The following SLC25A12 variants were observed in gnomAD, a reference collection of about 807,000 sequenced individuals.
The protein encoded by SLC25A12 is solute carrier family 25 member 12, also known as electrogenic aspartate/glutamate antiporter SLC25A12, mitochondrial.
A neutral mutation model predicts 83.3 loss-of-function variants in SLC25A12; 32 were observed. That is an observed-to-expected ratio of 0.38 (90% confidence interval 0.29 to 0.52). SLC25A12 has a LOEUF of 0.52. Among genes scored for constraint, SLC25A12 ranks in the 20% least tolerant of loss-of-function variants. The pLI is 0.84. For missense variants in SLC25A12, 611 were observed against 835.6 expected (o/e 0.73, Z 3.31); for synonymous variants, 267 against 291.1 (o/e 0.92, Z 0.84).
At chr2:171,818,725 T>C (rs1684108855) in intron 9 of SLC25A12, among the ~76,000 whole-genome samples, 1 of 151,982 alleles carries the variant, frequency 6.6e-6, no homozygotes, top group African/African-American at 2.4e-5. Flanking sequence ...TGAGCAGTGA[T>C]GATGCATTAG....
chr2:171,849,878 T>G (rs1382323750), intron 4 of SLC25A12, among the ~76,000 whole-genome samples: 1 of 151,846 alleles, frequency 6.6e-6, no homozygotes. Context: ...CTTGGCTCAC[T>G]GCAACCTCTG....
chr2:171,793,779 G>C lies in SLC25A12; in HGVS notation c.1306-12C>G, dbSNP rs1400759688. 5 of 1,613,978 alleles carry C rather than the reference G, an allele frequency of 3.1e-6. No homozygotes were observed. Among genetic ancestry groups the C allele is most frequent in the Non-Finnish European group, 4.2e-6 (5 of 1,179,982 alleles). ...TGAGAGCCTCCAGCCTGTAGGCAAG[G>C]GAGAAGAGACAGGCAGATTCCACAT... On this transcript the variant is annotated splice_polypyrimidine_tract_variant and intron_variant, in intron 13 of 17. Coordinates refer to ENST00000422440, the MANE Select transcript of SLC25A12 (RefSeq NM_003705.5).
chr2:171,825,125 T>C (rs1684274770), intron 9 of SLC25A12, among the ~76,000 whole-genome samples: 2 of 152,164 alleles, frequency 1.3e-5, no homozygotes, highest in African/African-American at 4.8e-5. Flanking sequence ...TAAACTTTGA[T>C]GGCAGCAGAT....
chr2:171,876,549 G>GT (rs1558941966), intron 2 of SLC25A12, among the ~76,000 whole-genome samples: 3 of 143,298 alleles, frequency 2.1e-5, no homozygotes, highest in African/African-American at 7.6e-5. Flanking sequence ...TTTTTGGGGG[G>GT]GGGGGGACTC....
chr2:171,839,158 A>G (rs1031532476), intron 5 of SLC25A12, among the ~76,000 whole-genome samples: 1 of 152,170 alleles, frequency 6.6e-6, no homozygotes, highest in African/African-American at 2.4e-5. Flanking sequence ...TCAGGCAGAC[A>G]TTTCCTTTTT....
At chr2:171,870,821 G>C (rs981687417) in intron 2 of SLC25A12, among the ~76,000 whole-genome samples, 2 of 152,214 alleles carry the variant, frequency 1.3e-5, no homozygotes, top group African/African-American at 2.4e-5. Flanking sequence ...AGAAGAATCA[G>C]GGCAAATGAT....
chr2:171,848,619 AGAAAACAAAG>A (rs955285932), intron 4 of SLC25A12, among the ~76,000 whole-genome samples: 64 of 152,228 alleles, frequency 4.2e-4, no homozygotes, highest in African/African-American at 1.5e-3. Context: ...AAGCCAAAAA[AGAAAACAAAG>A]GAAAACAAAC....
chr2:171,793,371 G>A (rs370785414), intron 14 of SLC25A12, among the ~76,000 whole-genome samples: 1 of 152,168 alleles, frequency 6.6e-6, no homozygotes, highest in African/African-American at 2.4e-5. Flanking sequence ...ATGAAAGGCT[G>A]TGAGCCTGAG....
intron 8 of SLC25A12, among the ~76,000 whole-genome samples, chr2:171,833,079 A>G (rs1684476858): frequency 6.6e-6 from 1 of 152,134 alleles, no homozygotes; most frequent in Admixed American, 6.5e-5. Context: ...TCATCTTTTT[A>G]CCAGATTATT....
intron 8 of SLC25A12, among the ~76,000 whole-genome samples, chr2:171,828,275 CTAGT>C (rs1684353848): frequency 6.6e-6 from 1 of 152,214 alleles, no homozygotes; most frequent in Non-Finnish European, 1.5e-5. Flanking sequence ...TCTATCTTTC[CTAGT>C]TAAAGTCCCT....
At chr2:171,835,390 A>G (rs1332109795) in intron 6 of SLC25A12, among the ~76,000 whole-genome samples, 2 of 152,226 alleles carry the variant, frequency 1.3e-5, no homozygotes, top group Admixed American at 1.3e-4. Flanking sequence ...TCTGTGCTAA[A>G]CTCTAAATTC....
At chr2:171,831,839 C>T (rs1684438004) in intron 8 of SLC25A12, among the ~76,000 whole-genome samples, 1 of 151,058 alleles carries the variant, frequency 6.6e-6, no homozygotes, top group Admixed American at 6.6e-5. Flanking sequence ...GCGGAGGTTG[C>T]AGTGGGCTGA....
intron 2 of SLC25A12, among the ~76,000 whole-genome samples, chr2:171,884,145 G>T (rs1685760068): frequency 6.7e-6 from 1 of 149,312 alleles, no homozygotes; most frequent in African/African-American, 2.5e-5. Flanking sequence ...CTCCCAAAGA[G>T]GTGGGATTAC....
intron 9 of SLC25A12, among the ~76,000 whole-genome samples, chr2:171,819,466 TATA>T (rs1354983818): frequency 1.5e-5 from 2 of 134,556 alleles, no homozygotes; most frequent in African/African-American, 5.5e-5. Flanking sequence ...TTATATATTA[TATA>T]TATTAATATA....
chr2:171,836,821 T>C (rs150126804), intron 6 of SLC25A12, among the ~76,000 whole-genome samples: 153 of 152,184 alleles, frequency 1.0e-3, no homozygotes, highest in Middle Eastern at 3.4e-3. Flanking sequence ...ACTCTGTAAA[T>C]GGAAATAAAC....
chr2:171,795,725 T>C (rs114010414), intron 13 of SLC25A12, among the ~76,000 whole-genome samples: 322 of 152,258 alleles, frequency 2.1e-3, no homozygotes, highest in Non-Finnish European at 3.8e-3. Context: ...TTGTAATCAT[T>C]AGTAAATTAT....
chr2:171,818,337 G>A (rs545083326), intron 9 of SLC25A12, among the ~76,000 whole-genome samples: 1 of 152,218 alleles, frequency 6.6e-6, no homozygotes, highest in East Asian at 1.9e-4. Context: ...GGTTAATTAA[G>A]TGTTTTTCAA....
intron 13 of SLC25A12, among the ~76,000 whole-genome samples, chr2:171,804,215 C>A (rs966241682): frequency 2.6e-4 from 39 of 152,066 alleles, no homozygotes; most frequent in African/African-American, 9.2e-4. Context: ...AAGTTAGGCA[C>A]AATGTCATGC....
chr2:171,836,963 C>A (rs1206498968), intron 6 of SLC25A12, among the ~76,000 whole-genome samples, 158 bp downstream of exon 6: 1 of 91,962 alleles, frequency 1.1e-5, no homozygotes, highest in African/African-American at 3.2e-5. Flanking sequence ...CACACATGCA[C>A]ACACACACAC....
Sources: allele counts gnomAD v4.1 joint callset (sites outside exome capture counted in the v4.1 genomes callset), GRCh38; gene constraint gnomAD v4.1.1; transcripts MANE v1.5; gene names NCBI Gene and HGNC (gene_info 2026-07-23, HGNC 2026-07-21).